ILDR2: variants seen among roughly 807,000 people sequenced by gnomAD.
ILDR2 encodes the protein immunoglobulin-like domain-containing receptor 2.
A neutral mutation model predicts 66.8 loss-of-function variants in ILDR2; 25 were observed. That is an observed-to-expected ratio of 0.37 (90% CI 0.27 to 0.52). The LOEUF (loss-of-function observed/expected upper bound fraction) is 0.52, where lower values mean the gene tolerates loss of function less well. Ranked by LOEUF, ILDR2 falls within the 20% of genes least tolerant of loss-of-function variation. ILDR2 has a pLI of 0.88. For missense variants in ILDR2, 827 were observed against 876.8 expected, an observed-to-expected ratio of 0.94 and a Z score of 0.72; for synonymous variants, 367 against 357.2, an observed-to-expected ratio of 1.03 and a Z score of -0.31.
At chr1:166,906,183 A>G (rs560781238), downstream of ILDR2, among the ~76,000 whole-genome samples, 2 of 152,328 alleles carry the variant, frequency 1.3e-5, no homozygotes, top group Admixed American at 6.5e-5. Flanking sequence ...AGCTCACACT[A>G]CAAGACCTAC....
chr1:166,936,479 TTG>T lies in ILDR2; in HGVS notation c.703+110_703+111del, dbSNP rs1177667628. 2 of 1,516,652 alleles carry T rather than the reference TTG, an allele frequency of 1.3e-6. No individual in the cohort carries two copies. The highest frequency in any genetic ancestry group is 3.8e-5 in the Admixed American group (2 of 51,958). 93.9% of individuals were successfully genotyped at this position (1,516,652 alleles called of 1,614,324 possible). A position where few individuals can be genotyped will look rare whatever the true frequency, so the allele number is the denominator to read the frequency against. On this transcript the variant is annotated intron_variant, in intron 5 of 9. Coordinates refer to ENST00000271417, the MANE Select transcript of ILDR2 (RefSeq NM_199351.3). This position sits in a 1 kb window ranked among gnomAD's most constrained non-coding sequence, Gnocchi z 5.0. Reference sequence around the variant, plus strand: ...GGAGAAGAGTCTGGAATGACCAATCTTGGGGGTGGCAGGACAGGAGGTGGAGG... The same window carrying T: ...GGAGAAGAGTCTGGAATGACCAATCTGGGGTGGCAGGACAGGAGGTGGAGG...
rs1659529883 is a variant in ILDR2 at position 166,913,674 on chromosome 1, G to C, written c.*5681C>G. ...GTTCTACCTAAAATCTTAAAATGTAGTGAAGATGCCAGATTTTTGCTGTTA... is the reference window on the plus strand; with the variant it reads ...GTTCTACCTAAAATCTTAAAATGTACTGAAGATGCCAGATTTTTGCTGTTA... On this transcript the variant is annotated 3_prime_UTR_variant, in exon 10 of 10. Transcript: ENST00000271417. 6.6e-6 allele frequency: 1 copy of C among 152,132 alleles called. No homozygotes were observed. Among genetic ancestry groups the C allele is most frequent in the African/African-American group, 2.4e-5 (1 of 41,406 alleles). 9.4% of individuals were successfully genotyped at this position (152,132 alleles called of 1,614,324 possible).
chr1:166,898,609 G>A (rs1659209808), intron 2 of ILDR2, among the ~76,000 whole-genome samples: 1 of 152,158 alleles, frequency 6.6e-6, no homozygotes, highest in African/African-American at 2.4e-5. Flanking sequence ...TTCTGGATAA[G>A]GAGGGCACAC....
At chr1:166,962,412 C>T (rs1422203498) in intron 1 of ILDR2, among the ~76,000 whole-genome samples, 1 of 152,164 alleles carries the variant, frequency 6.6e-6, no homozygotes. Flanking sequence ...TTGTCTGGGG[C>T]CCTAATACCA....
intron 5 of ILDR2, 46 bp from the exon 6 acceptor site, chr1:166,935,523 T>G: frequency 6.7e-7 from 1 of 1,485,966 alleles, no homozygotes; most frequent in Admixed American, 2.4e-5. Flanking sequence ...CGTCCCACCC[T>G]CCACAACCCT....
intron 6 of ILDR2, among the ~76,000 whole-genome samples, chr1:166,931,070 C>G (rs1165963290): frequency 2.6e-5 from 4 of 152,208 alleles, no homozygotes; most frequent in Non-Finnish European, 1.5e-5. Context: ...TCATACTTCA[C>G]CTCCTCTAAT....
At chr1:166,949,276 A>G (rs896329138) in intron 3 of ILDR2, among the ~76,000 whole-genome samples, 1 of 152,282 alleles carries the variant, frequency 6.6e-6, no homozygotes, top group Non-Finnish European at 1.5e-5. Flanking sequence ...TCTCCTGGAA[A>G]GGCAACAATT....
Position 166,917,085 on chromosome 1 carries a change from G to C in ILDR2, c.*2270C>G, listed in dbSNP as rs541913838. On this transcript the variant is annotated 3_prime_UTR_variant, in exon 10 of 10. Transcript: ENST00000271417. The stretch of plus-strand genomic sequence containing the variant: ...TATCATCTTTTCCATCTGAACTGGG[G>C]TCCAAACAGACAGGCTAGACCTAGG... 1.3e-5 allele frequency: 2 copies of C among 152,282 alleles called. No homozygotes were observed. Among genetic ancestry groups the C allele is most frequent in the East Asian group, 3.9e-4 (2 of 5,188 alleles). 9.4% of individuals were successfully genotyped at this position (152,282 alleles called of 1,614,324 possible).
At chr1:166,950,401 AGAGAAG>A (rs1661902589) in intron 3 of ILDR2, among the ~76,000 whole-genome samples, 3 of 152,252 alleles carry the variant, frequency 2.0e-5, no homozygotes, top group South Asian at 4.2e-4. Context: ...GGGCTGGCAA[AGAGAAG>A]GAGAAGGAGA....
chr1:166,903,526 C>G (rs1294688205), downstream of ILDR2, among the ~76,000 whole-genome samples: 1 of 152,204 alleles, frequency 6.6e-6, no homozygotes. Flanking sequence ...ATGGCCACAA[C>G]TCACAATAAG....
chr1:166,958,185 C>T lies in ILDR2; in HGVS notation c.47-84G>A, dbSNP rs757254192. 1.7e-4 allele frequency: 194 copies of T among 1,120,146 alleles called. 1 individual carries two copies. Among genetic ancestry groups the T allele is most frequent in the Middle Eastern group, 1.6e-3 (6 of 3,664 alleles). 69.4% of individuals were successfully genotyped at this position (1,120,146 alleles called of 1,614,324 possible). On this transcript the variant is annotated intron_variant, in intron 1 of 9. Coordinates refer to ENST00000271417, the MANE Select transcript of ILDR2 (RefSeq NM_199351.3). The stretch of plus-strand genomic sequence containing the variant: ...CACATGATCACACCTTTCCATTTCA[C>T]TTCCCTAACTTGTGTCCCCTCAACC...
At chr1:166,938,720 C>T (rs781022102) in intron 4 of ILDR2, among the ~76,000 whole-genome samples, 12 of 152,186 alleles carry the variant, frequency 7.9e-5, no homozygotes, top group Non-Finnish European at 1.6e-4. Context: ...TGCTATTAGG[C>T]AGCTCTTAAA....
chr1:166,920,009 G>T (rs1182372946), intron 9 of ILDR2, among the ~76,000 whole-genome samples: 1 of 152,154 alleles, frequency 6.6e-6, no homozygotes, highest in African/African-American at 2.4e-5. Flanking sequence ...ATTTCTCTGA[G>T]GTCCAGGGCT....
Position 166,920,986 on chromosome 1 carries a change from G to T in ILDR2, c.1605C>A (p.Arg535=). 1 of 1,494,788 alleles carries T rather than the reference G, an allele frequency of 6.7e-7. No individual in the cohort carries two copies. Among genetic ancestry groups the T allele is most frequent in the Non-Finnish European group, 8.8e-7 (1 of 1,133,474 alleles). 92.6% of individuals were successfully genotyped at this position (1,494,788 alleles called of 1,614,324 possible). A position where few individuals can be genotyped will look rare whatever the true frequency, so the allele number is the denominator to read the frequency against. Residue 535 remains arginine (R), a synonymous_variant, in exon 9 of 10, where the codon CGC becomes CGA. Transcript: ENST00000271417. ...GGCTGGCGCCCTCGGGCCGCGCCTG[G>T]CGCTCCCGCGCGCTGCCCAGGTACG... ...DHSYLGSARE[R]QARPEGASRG...
In ILDR2 at chr1:166,912,601, T is replaced by C. The variant is rs1659494813; in HGVS notation, c.*6754A>G. The C allele has an allele frequency of 6.6e-6, 1 of 152,072 alleles. No individual in the cohort carries two copies. Among genetic ancestry groups the C allele is most frequent in the Non-Finnish European group, 1.5e-5 (1 of 68,010 alleles). The allele number at this position is 152,072 out of a possible 1,614,324, so 9.4% of individuals were successfully genotyped here. On this transcript the variant is annotated 3_prime_UTR_variant, in exon 10 of 10. Coordinates refer to ENST00000271417, the MANE Select transcript of ILDR2 (RefSeq NM_199351.3). ...TGTTAACATTTTTAAGTTAACTACT[T>C]AAAAAAAATTGAGCCCAGATGCTTC...
intron 3 of ILDR2, among the ~76,000 whole-genome samples, chr1:166,941,034 G>A (rs758825268): frequency 6.6e-6 from 1 of 152,138 alleles, no homozygotes; most frequent in Admixed American, 6.5e-5. Context: ...AGGGTAGAGG[G>A]GTCTTTGCTC....
At chr1:166,903,574 A>G (rs964059943), downstream of ILDR2, among the ~76,000 whole-genome samples, 1 of 152,194 alleles carries the variant, frequency 6.6e-6, no homozygotes, top group Non-Finnish European at 1.5e-5. Context: ...AGCTATCCAG[A>G]TAAGAACCTT....
At chr1:166,961,664 G>A (rs1234156959) in intron 1 of ILDR2, among the ~76,000 whole-genome samples, 1 of 152,168 alleles carries the variant, frequency 6.6e-6, no homozygotes, top group African/African-American at 2.4e-5. Flanking sequence ...TAAGTATTTA[G>A]AATAATACCT....
chr1:166,966,497 T>C (rs906599569), intron 1 of ILDR2, among the ~76,000 whole-genome samples: 6 of 152,242 alleles, frequency 3.9e-5, no homozygotes, highest in Non-Finnish European at 7.3e-5. Context: ...AGGTGGATTT[T>C]TGCTCATGGC....
Sources: allele counts gnomAD v4.1 joint callset (sites outside exome capture counted in the v4.1 genomes callset), GRCh38; gene constraint gnomAD v4.1.1; non-coding constraint Gnocchi (gnomAD v3.1); transcripts MANE v1.5; gene names NCBI Gene and HGNC (gene_info 2026-07-23, HGNC 2026-07-21).